DCC: variants seen among roughly 807,000 people sequenced by gnomAD.
DCC encodes netrin receptor DCC.
DCC carries 58 observed loss-of-function variants against 172.5 expected under a neutral mutation model. That is an observed-to-expected ratio of 0.34 (90% CI 0.27 to 0.42). The LOEUF is 0.42. Ranked by LOEUF, DCC falls within the 10% of genes least tolerant of loss-of-function variation. The probability of loss-of-function intolerance (pLI) is 1.00; values close to 1 mark genes in which losing one functional copy is unlikely to be tolerated. For missense variants in DCC, 1,740 were observed against 1,791.0 expected, an observed-to-expected ratio of 0.97 and a Z score of 0.51; for synonymous variants, 709 against 644.5, an observed-to-expected ratio of 1.10 and a Z score of -1.52.
rs138225640 is a variant in DCC, at chr18:53,097,583, C to T, written c.1261+31417C>T. Among the ~76,000 whole-genome samples the T allele has an allele frequency of 7.9e-5, 12 of 152,118 alleles. No homozygotes were observed. The East Asian group carries it at 1.2e-3, about 15-fold the overall frequency. On this transcript the variant is annotated intron_variant, in intron 7 of 28. Transcript: ENST00000442544. ...TTCATACATCTTTTAAGGCTCAAAA[C>T]GTATCTGGTCTTTATTATAATGCTG...
At chr18:52,853,622 G>A (rs1038772702) in intron 2 of DCC, among the ~76,000 whole-genome samples, 5 of 152,160 alleles carry the variant, frequency 3.3e-5, no homozygotes, top group African/African-American at 1.2e-4. Context: ...CAGGAATCTG[G>A]ATGATTGACA....
In DCC at chr18:52,357,654, G is replaced by A. The variant is rs139465920; in HGVS notation, c.91+16776G>A. On this transcript the variant is annotated intron_variant, in intron 1 of 28. Transcript: ENST00000442544. ...GGGCTGTGCTTAGCGACTTCCTTCCGAAGACTATGGTATACAAGGGGGAGG... is the reference window on the plus strand; with the variant it reads ...GGGCTGTGCTTAGCGACTTCCTTCCAAAGACTATGGTATACAAGGGGGAGG... Among the ~76,000 whole-genome samples, 115 of 152,150 alleles carry A rather than the reference G, an allele frequency of 7.6e-4. 1 individual carries two copies. Among genetic ancestry groups the A allele is most frequent in the African/African-American group, 2.6e-3 (106 of 41,520 alleles).
intron 5 of DCC, among the ~76,000 whole-genome samples, chr18:52,999,744 T>C (rs1045726852): frequency 6.6e-6 from 1 of 152,052 alleles, no homozygotes; most frequent in African/African-American, 2.4e-5. Flanking sequence ...TTATCATCCA[T>C]AATTTATGAA....
chr18:52,846,363 G>A (rs117798307), intron 2 of DCC, among the ~76,000 whole-genome samples: 1,618 of 152,114 alleles, frequency 0.011, 10 homozygotes, highest in Non-Finnish European at 0.017. Flanking sequence ...GCAACATGGC[G>A]AATGCTTTCT....
At position 52,950,929 on chromosome 18, in the gene DCC, C is replaced by CAAA. The variant is rs755118442; in HGVS notation, c.985+25599_985+25601dup. On this transcript the variant is annotated intron_variant, in intron 5 of 28. Coordinates refer to ENST00000442544, the MANE Select transcript of DCC (RefSeq NM_005215.4). Reference sequence around the variant, plus strand: ...TGGGCGACAGAGTGAGACTCCGTCTCAAAAAAAAAAAAAAAAAAAAAAAAA... The same window carrying CAAA: ...TGGGCGACAGAGTGAGACTCCGTCTCAAAAAAAAAAAAAAAAAAAAAAAAAAAA... Among the ~76,000 whole-genome samples, 146 of 57,422 alleles carry CAAA rather than the reference C, an allele frequency of 2.5e-3. 8 individuals carry two copies. The highest frequency in any genetic ancestry group is 3.0e-3 in the African/African-American group (47 of 15,510). The allele number at this position is 57,422 out of a possible 152,430, so 37.7% of individuals were successfully genotyped here.
intron 1 of DCC, among the ~76,000 whole-genome samples, chr18:52,508,107 A>G (rs1378197902): frequency 1.3e-5 from 2 of 152,078 alleles, no homozygotes; most frequent in Non-Finnish European, 2.9e-5. Flanking sequence ...CTCAAAAAAA[A>G]AAAATTATTA....
chr18:52,426,700 G>T (rs1987440628), intron 1 of DCC, among the ~76,000 whole-genome samples: 1 of 152,038 alleles, frequency 6.6e-6, no homozygotes, highest in Non-Finnish European at 1.5e-5. Flanking sequence ...AGGATACCTT[G>T]TTGCCAGCAT....
chr18:53,099,383 GC>G (rs1320693012), intron 7 of DCC, among the ~76,000 whole-genome samples: 1 of 151,986 alleles, frequency 6.6e-6, no homozygotes, highest in Admixed American at 6.6e-5. Context: ...TTCCTACTAT[GC>G]CCTTTGACAT....
At chr18:53,382,482 C>T (rs1241866765) in intron 15 of DCC, among the ~76,000 whole-genome samples, 1 of 151,946 alleles carries the variant, frequency 6.6e-6, no homozygotes, top group Non-Finnish European at 1.5e-5. Flanking sequence ...TCATATATTC[C>T]AAAAGTCTTC....
At chr18:52,992,397 G>A (rs1390518397) in intron 5 of DCC, among the ~76,000 whole-genome samples, 2 of 152,216 alleles carry the variant, frequency 1.3e-5, no homozygotes, top group African/African-American at 4.8e-5. Context: ...TGCTCAAGCA[G>A]TTTCTGTAGA....
chr18:53,518,408 C>A (rs986968001), intron 27 of DCC, among the ~76,000 whole-genome samples: 6 of 152,116 alleles, frequency 3.9e-5, no homozygotes, highest in African/African-American at 1.2e-4. Context: ...ATGTTTCTCA[C>A]CCCAAAAAAT....
chr18:52,345,228 C>T (rs1162468112), intron 1 of DCC, among the ~76,000 whole-genome samples: 3 of 152,072 alleles, frequency 2.0e-5, no homozygotes, highest in African/African-American at 7.2e-5. Flanking sequence ...ATGTCACAAA[C>T]CTGCTGAAAT....
chr18:52,915,831 T>C lies in DCC; in HGVS notation c.698-7876T>C, dbSNP rs527542143. ...TTTGAGAGATACAAAACCATTTCTA[T>C]GTTGAAGGAAAATGGGCTTCTTGAG... On this transcript the variant is annotated intron_variant, in intron 3 of 28. Coordinates refer to ENST00000442544, the MANE Select transcript of DCC (RefSeq NM_005215.4). Among the ~76,000 whole-genome samples the C allele has an allele frequency of 1.6e-3, 243 of 152,234 alleles. 1 individual carries two copies. Among genetic ancestry groups the C allele is most frequent in the African/African-American group, 5.7e-3 (236 of 41,540 alleles).
At chr18:52,631,366 G>T (rs2034672866) in intron 1 of DCC, among the ~76,000 whole-genome samples, 1 of 152,172 alleles carries the variant, frequency 6.6e-6, no homozygotes, top group Non-Finnish European at 1.5e-5. Flanking sequence ...AATAAAATGG[G>T]ATATTTCAAT....
At chr18:52,459,920 T>C (rs1161859157) in intron 1 of DCC, among the ~76,000 whole-genome samples, 2 of 151,596 alleles carry the variant, frequency 1.3e-5, no homozygotes, top group African/African-American at 4.8e-5. Context: ...TATACACACA[T>C]ATATATATAC....
chr18:52,990,374 C>G (rs2041365416), intron 5 of DCC, among the ~76,000 whole-genome samples: 1 of 151,810 alleles, frequency 6.6e-6, no homozygotes. Flanking sequence ...AACCCCGTCT[C>G]TACTAAAAAT....
In DCC at chr18:53,520,472, G is replaced by C. The variant is rs181795789; in HGVS notation, c.4112-6145G>C. ...CGGGAAGGTGACTGATCAGGTCTCA[G>C]GCACAAGGCAAAAGATTAAAGGCAT... On this transcript the variant is annotated intron_variant, in intron 27 of 28. Coordinates refer to ENST00000442544, the MANE Select transcript of DCC (RefSeq NM_005215.4). Among the ~76,000 whole-genome samples, 400 of 152,164 alleles carry C rather than the reference G, an allele frequency of 2.6e-3. 2 individuals are homozygous for C. The highest frequency in any genetic ancestry group is 9.3e-3 in the African/African-American group (386 of 41,530).
chr18:52,785,055 A>T (rs1188680122), intron 2 of DCC, among the ~76,000 whole-genome samples: 1 of 151,982 alleles, frequency 6.6e-6, no homozygotes, highest in Admixed American at 6.6e-5. Context: ...GGGCTCACAG[A>T]TTGGTTGATC....
intron 14 of DCC, among the ~76,000 whole-genome samples, chr18:53,336,841 A>G (rs2057597124): frequency 6.6e-6 from 1 of 152,234 alleles, no homozygotes; most frequent in African/African-American, 2.4e-5. Flanking sequence ...TCACCACTGC[A>G]ATCCAGCCTG....
Sources: gnomAD v4.1 joint callset for allele counts (sites outside exome capture counted in the v4.1 genomes callset) on GRCh38, gnomAD v4.1.1 for gene constraint, MANE v1.5 for transcripts, NCBI Gene and HGNC (gene_info 2026-07-23, HGNC 2026-07-21) for gene names.